RYR2: variants seen among roughly 807,000 people sequenced by gnomAD.
RYR2 encodes the protein cardiac muscle ryanodine receptor-calcium release channel.
Under a neutral mutation model 601.1 loss-of-function variants are expected in RYR2, and 227 were observed. That is an observed-to-expected ratio of 0.38 (90% CI 0.34 to 0.42). RYR2 has a LOEUF of 0.42. Among genes scored for constraint, RYR2 ranks in the 10% least tolerant of loss-of-function variants. The pLI is 1.00. For missense variants in RYR2, 4,646 were observed against 6,156.5 expected (o/e 0.75, Z 8.21); for synonymous variants, 2,223 against 2,175.1 (o/e 1.02, Z -0.61).
intron 63 of RYR2, among the ~76,000 whole-genome samples, chr1:237,697,803 A>C (rs114829933): frequency 6.6e-6 from 1 of 152,182 alleles, no homozygotes; most frequent in Non-Finnish European, 1.5e-5. Context: ...CAGGAAAATA[A>C]AAAATCCTAC....
intron 60 of RYR2, among the ~76,000 whole-genome samples, chr1:237,676,774 T>G (rs1685436153): frequency 6.6e-6 from 1 of 152,192 alleles, no homozygotes; most frequent in Non-Finnish European, 1.5e-5. Context: ...TTCTAATTGT[T>G]GTATAATACC....
chr1:237,237,913 T>TC lies in RYR2; in HGVS notation c.49-32582dup, dbSNP rs1379226144. Among the ~76,000 whole-genome samples the TC allele has an allele frequency of 6.7e-4, 101 of 149,634 alleles. 2 individuals are homozygous for TC. The East Asian group carries it at 0.018, about 26-fold the overall frequency. ...CTCCCCTCCCCTTTCCTTTTTCCTTTCCTTTTCCCTTTCCCTTTCCCCTTT... is the reference window on the plus strand; with the variant it reads ...CTCCCCTCCCCTTTCCTTTTTCCTTTCCCTTTTCCCTTTCCCTTTCCCCTTT... On this transcript the variant is annotated intron_variant, in intron 1 of 104. Coordinates refer to ENST00000366574, the MANE Select transcript of RYR2 (RefSeq NM_001035.3).
intron 80 of RYR2, among the ~76,000 whole-genome samples, chr1:237,750,979 A>C (rs1025113054): frequency 6.6e-6 from 1 of 152,236 alleles, no homozygotes; most frequent in Non-Finnish European, 1.5e-5. Flanking sequence ...ATAACCATTC[A>C]TGAAGATCTA....
intron 1 of RYR2, among the ~76,000 whole-genome samples, chr1:237,206,233 C>T (rs1681800055): frequency 6.6e-6 from 1 of 152,142 alleles, no homozygotes; most frequent in African/African-American, 2.4e-5. Context: ...TGAGTCATCA[C>T]CTGAGGGCTT....
At chr1:237,529,741 A>G (rs552510498) in intron 24 of RYR2, among the ~76,000 whole-genome samples, 1 of 145,472 alleles carries the variant, frequency 6.9e-6, no homozygotes, top group South Asian at 2.2e-4. Context: ...TTTCTATAAA[A>G]GGTAAAACAA....
At chr1:237,536,920 T>C (rs1005297473) in intron 25 of RYR2, among the ~76,000 whole-genome samples, 1 of 151,096 alleles carries the variant, frequency 6.6e-6, no homozygotes, top group Admixed American at 6.6e-5. Context: ...TATCAAGAAC[T>C]CCTAAAAATT....
chr1:237,690,991 T>G (rs1209483726), intron 63 of RYR2, among the ~76,000 whole-genome samples: 1 of 152,238 alleles, frequency 6.6e-6, no homozygotes, highest in East Asian at 1.9e-4. Flanking sequence ...TGTTTGTATA[T>G]GGTCATATTA....
rs1679845277 is a variant in RYR2, at chr1:237,627,842, C to T, written c.6202C>T (p.Arg2068Ter). The T allele has an allele frequency of 6.2e-7, 1 of 1,610,904 alleles. No individual in the cohort carries two copies. The highest frequency in any genetic ancestry group is 8.5e-7 in the Non-Finnish European group (1 of 1,177,838). ...LQQLISETMV[R>*]WAQESVIEDP... ...GCAGCTGATTTCTGAGACCATGGTCCGATGGGCTCAGGAGTCTGTCATTGA... is the reference window on the plus strand; with the variant it reads ...GCAGCTGATTTCTGAGACCATGGTCTGATGGGCTCAGGAGTCTGTCATTGA... The change falls in exon 41 of 105, where the codon CGA becomes TGA. Residue 2068 changes from arginine (R) to a stop codon, truncating the protein, a stop_gained. Transcript: ENST00000366574. LOFTEE classifies it high-confidence loss of function.
chr1:237,775,074 C>CTAAAAAAAAAA (rs1694552764), intron 87 of RYR2, among the ~76,000 whole-genome samples: 1 of 45,942 alleles, frequency 2.2e-5, no homozygotes, highest in Admixed American at 2.0e-4. Context: ...TCAATAAGAA[C>CTAAAAAAAAAA]CAAAAAAAAA....
At chr1:237,690,469 A>G (rs1026237728) in intron 63 of RYR2, among the ~76,000 whole-genome samples, 3 of 152,252 alleles carry the variant, frequency 2.0e-5, no homozygotes, top group African/African-American at 7.2e-5. Flanking sequence ...AGATGTTTCT[A>G]GTCTTATTAA....
At chr1:237,374,614 C>T (rs1019302632) in intron 6 of RYR2, 103 bp from the exon 7 acceptor site, 134 of 895,174 alleles carry the variant, frequency 1.5e-4, no homozygotes, top group East Asian at 1.0e-3. Flanking sequence ...GCTGTGATCA[C>T]GCCACTGCAC....
chr1:237,666,380 G>A, intron 56 of RYR2, 132 bp from the exon 57 acceptor site: 2 of 714,170 alleles, frequency 2.8e-6, no homozygotes, highest in Non-Finnish European at 4.8e-6. Context: ...ACATCATTTT[G>A]TATAGAAACT....
intron 63 of RYR2, among the ~76,000 whole-genome samples, chr1:237,688,195 C>A (rs992644943): frequency 2.6e-5 from 4 of 152,200 alleles, no homozygotes; most frequent in Admixed American, 6.5e-5. Context: ...GTGTTTCACA[C>A]TTTCCTGCAT....
intron 79 of RYR2, among the ~76,000 whole-genome samples, chr1:237,737,878 G>A (rs1267393127): frequency 2.6e-5 from 4 of 152,172 alleles, no homozygotes; most frequent in East Asian, 1.9e-4. Flanking sequence ...GCTTAAACTC[G>A]AATTCTAACT....
Position 237,491,919 on chromosome 1 carries a change from C to T in RYR2, c.1822C>T (p.His608Tyr), listed in dbSNP as rs727504718. The change falls in exon 18 of 105, where the codon CAC becomes TAC. Residue 608 changes from histidine (H) to tyrosine (Y), a missense_variant. Physicochemically the swap from His to Tyr is moderately conservative, Grantham distance 83. This residue lies in a region of RYR2 where 1,807 missense variants were observed against 2,088.1 expected (regional missense o/e 0.87). Transcript: ENST00000366574. ...ACTTTTAGACAAACATGGAAGAAAT[C>T]ACAAGGTAAATGAACTATTTTATTT... is the stretch of plus-strand genomic sequence containing the variant. ...ISLLDKHGRNHKVLDVLCSLC... is the reference protein window; with the variant it reads ...ISLLDKHGRNYKVLDVLCSLC... 7.9e-5 allele frequency: 97 copies of T among 1,225,470 alleles called. No individual in the cohort carries two copies. The African/African-American group carries it at 1.3e-3, about 16-fold the overall frequency. The allele number at this position is 1,225,470 out of a possible 1,614,324, so 75.9% of individuals were successfully genotyped here. A position where few individuals can be genotyped will look rare whatever the true frequency, so the allele number is the denominator to read the frequency against.
At chr1:237,618,798 G>T (rs531661637) in intron 38 of RYR2, among the ~76,000 whole-genome samples, 1 of 152,134 alleles carries the variant, frequency 6.6e-6, no homozygotes, top group Non-Finnish European at 1.5e-5. Flanking sequence ...GACAGAGCTG[G>T]GACTTTATCC....
intron 12 of RYR2, among the ~76,000 whole-genome samples, chr1:237,436,190 T>C (rs1196349989): frequency 6.6e-6 from 1 of 152,170 alleles, no homozygotes; most frequent in Non-Finnish European, 1.5e-5. Flanking sequence ...CAAGATCCCT[T>C]GACCTTTGCC....
Position 237,525,884 on chromosome 1 carries a change from G to A in RYR2, c.2823-4543G>A, listed in dbSNP as rs530997217. Among the ~76,000 whole-genome samples, 4 of 152,020 alleles carry A rather than the reference G, an allele frequency of 2.6e-5. No individual in the cohort carries two copies. In the East Asian group the frequency reaches 7.8e-4, roughly 30 times the overall value. ...AACCTCAGCTACTTTGGAGACTGGG[G>A]CAGTAGAATTGCTTGAACCCGGGAG... On this transcript the variant is annotated intron_variant, in intron 24 of 104. Coordinates refer to ENST00000366574, the MANE Select transcript of RYR2 (RefSeq NM_001035.3).
intron 38 of RYR2, among the ~76,000 whole-genome samples, chr1:237,622,112 G>A (rs1317081403): frequency 6.6e-6 from 1 of 151,816 alleles, no homozygotes; most frequent in Non-Finnish European, 1.5e-5. Flanking sequence ...CAAAATAAAC[G>A]TTTAGGGAAA....
Sources: allele counts gnomAD v4.1 joint callset (sites outside exome capture counted in the v4.1 genomes callset), GRCh38; gene constraint gnomAD v4.1.1; regional missense constraint gnomAD v4.1.1; transcripts MANE v1.5; gene names NCBI Gene and HGNC (gene_info 2026-07-23, HGNC 2026-07-21).